Variants in LTBP1 observed in about 807,000 individuals in gnomAD.
The protein encoded by LTBP1 is latent-transforming growth factor beta-binding protein 1.
Under a neutral mutation model 207.6 loss-of-function variants are expected in LTBP1, and 129 were observed. The observed-to-expected ratio is 0.62, with a 90% confidence interval of 0.54 to 0.72. LTBP1 has a LOEUF of 0.72. Ranked by LOEUF, LTBP1 falls within the 30% of genes least tolerant of loss-of-function variation. LTBP1 has a pLI of 0.00. For synonymous variants in LTBP1, 963 were observed against 833.7 expected, an observed-to-expected ratio of 1.16 and a Z score of -2.67; for missense variants, 2,281 against 2,217.2, an observed-to-expected ratio of 1.03 and a Z score of -0.58.
At chr2:33,310,510 C>T (rs2094169189) in intron 23 of LTBP1, among the ~76,000 whole-genome samples, 1 of 152,098 alleles carries the variant, frequency 6.6e-6, no homozygotes, top group South Asian at 2.1e-4. Flanking sequence ...TCAGAGGTAG[C>T]TTTTCTTGTA....
chr2:33,220,214 C>T (rs959761742), intron 8 of LTBP1, among the ~76,000 whole-genome samples: 1 of 152,208 alleles, frequency 6.6e-6, no homozygotes, highest in Non-Finnish European at 1.5e-5. Context: ...GGGTCACATT[C>T]TTCCTGTGTC....
chr2:33,296,760 G>A (rs573054016), intron 20 of LTBP1, among the ~76,000 whole-genome samples: 2 of 152,098 alleles, frequency 1.3e-5, no homozygotes, highest in Admixed American at 6.5e-5. Context: ...GCAGCATATC[G>A]GATGCTAGTC....
At chr2:33,008,926 T>G (rs1558507385) in intron 2 of LTBP1, among the ~76,000 whole-genome samples, 1 of 152,130 alleles carries the variant, frequency 6.6e-6, no homozygotes, top group Non-Finnish European at 1.5e-5. Context: ...GCAGGCTTGG[T>G]GTGTCTGGGG....
intron 15 of LTBP1, among the ~76,000 whole-genome samples, chr2:33,264,594 T>G (rs1231575660): frequency 1.3e-5 from 2 of 152,116 alleles, no homozygotes; most frequent in African/African-American, 4.8e-5. Flanking sequence ...TCAGATAATT[T>G]GTAGGAAAAA....
chr2:33,354,445 T>C (rs1256365807), intron 26 of LTBP1, among the ~76,000 whole-genome samples: 1 of 152,070 alleles, frequency 6.6e-6, no homozygotes, highest in Non-Finnish European at 1.5e-5. Context: ...ACCATATATG[T>C]AGGTAAGGCT....
At chr2:33,202,677 C>T (rs2089444937) in intron 7 of LTBP1, among the ~76,000 whole-genome samples, 1 of 152,208 alleles carries the variant, frequency 6.6e-6, no homozygotes, top group African/African-American at 2.4e-5. Context: ...AAACATCTTA[C>T]TTATGTGGAA....
chr2:33,036,932 G>A (rs990343956), intron 3 of LTBP1, among the ~76,000 whole-genome samples: 5 of 150,278 alleles, frequency 3.3e-5, no homozygotes, highest in African/African-American at 7.3e-5. Context: ...CAGTGAACTC[G>A]TCAAAAAATG....
intron 19 of LTBP1, among the ~76,000 whole-genome samples, chr2:33,292,888 C>G (rs542763813): frequency 1.7e-3 from 254 of 152,276 alleles, no homozygotes; most frequent in Admixed American, 5.6e-3. Flanking sequence ...CCTTCCTCCC[C>G]CCTACAACAA....
chr2:33,277,396 C>A (rs551319510), intron 18 of LTBP1, among the ~76,000 whole-genome samples: 2 of 152,264 alleles, frequency 1.3e-5, no homozygotes, highest in South Asian at 4.1e-4. Flanking sequence ...AGAGATGCAG[C>A]GTGGGAGCAG....
chr2:33,326,707 G>A (rs2094432955), intron 24 of LTBP1, among the ~76,000 whole-genome samples: 1 of 148,354 alleles, frequency 6.7e-6, no homozygotes, highest in Non-Finnish European at 1.5e-5. Context: ...TACTCAGGCT[G>A]GAGTGCAGTG....
At chr2:33,153,776 A>G (rs1572884640) in intron 5 of LTBP1, among the ~76,000 whole-genome samples, 1 of 152,230 alleles carries the variant, frequency 6.6e-6, no homozygotes, top group East Asian at 1.9e-4. Flanking sequence ...TTCACATGGA[A>G]TTAAAGAAAA....
chr2:33,203,627 AT>A (rs1010918150), intron 7 of LTBP1, among the ~76,000 whole-genome samples: 42 of 151,898 alleles, frequency 2.8e-4, no homozygotes, highest in Admixed American at 2.6e-3. Context: ...CTCCTCTCAG[AT>A]TTTTTTTCAT....
At chr2:33,188,414 C>T (rs561426935) in intron 6 of LTBP1, among the ~76,000 whole-genome samples, 163 bp from the exon 7 acceptor site, 38 of 117,616 alleles carry the variant, frequency 3.2e-4, no homozygotes, top group African/African-American at 1.0e-3. Context: ...GTGACCAGAG[C>T]GAAACTCCAT....
intron 12 of LTBP1, among the ~76,000 whole-genome samples, chr2:33,259,198 A>G (rs1490972183): frequency 6.6e-6 from 1 of 152,236 alleles, no homozygotes; most frequent in Non-Finnish European, 1.5e-5. Context: ...TTCAAACATT[A>G]TATACCATAA....
chr2:33,093,927 C>T lies in LTBP1; in HGVS notation c.864-16655C>T, dbSNP rs150419045. On this transcript the variant is annotated intron_variant, in intron 3 of 33. Transcript: ENST00000404816. Reference sequence around the variant, plus strand: ...CTAGTTCTTTTTATTTTCTTTTTAACATTTCAACAAAGTGGGACTTAGAAC... The same window carrying T: ...CTAGTTCTTTTTATTTTCTTTTTAATATTTCAACAAAGTGGGACTTAGAAC... Among the ~76,000 whole-genome samples, 41 of 152,144 alleles carry T rather than the reference C, an allele frequency of 2.7e-4. No homozygotes were observed. The Middle Eastern group carries it at 0.01, about 38-fold the overall frequency.
Position 33,389,269 on chromosome 2 carries a change from G to C in LTBP1, c.4797G>C (p.Gln1599His), listed in dbSNP as rs376067631. The C allele has an allele frequency of 6.2e-7, 1 of 1,614,204 alleles. No individual in the cohort carries two copies. ...GRDALVDFSE[Q>H]YTPEADPYFI... ...ACGCCTTGGTTGACTTCAGTGAACA[G>C]TATACTCCAGAAGCCGATCCCTACT... Residue 1599 changes from glutamine (Q) to histidine (H), a missense_variant, in exon 32 of 34, where the codon CAG (glutamine) becomes CAC (histidine). Gln to His is a conservative substitution (Grantham distance 24). This residue lies in a region of LTBP1 where 1,671 missense variants were observed against 1,634.8 expected (regional missense o/e 1.02). Coordinates refer to ENST00000404816, the MANE Select transcript of LTBP1 (RefSeq NM_206943.4).
At chr2:33,289,450 C>G (rs1365052121) in intron 19 of LTBP1, among the ~76,000 whole-genome samples, 3 of 152,110 alleles carry the variant, frequency 2.0e-5, no homozygotes, top group African/African-American at 4.8e-5. Flanking sequence ...GTCTCTAACT[C>G]CTGGGCTCCA....
chr2:33,047,464 A>G (rs564601357), intron 3 of LTBP1, among the ~76,000 whole-genome samples: 1 of 152,296 alleles, frequency 6.6e-6, no homozygotes, highest in South Asian at 2.1e-4. Context: ...ATTTGATTGC[A>G]CTGTGGCCTG....
At chr2:33,122,023 C>G (rs2081152463) in intron 4 of LTBP1, among the ~76,000 whole-genome samples, 1 of 151,432 alleles carries the variant, frequency 6.6e-6, no homozygotes, top group Non-Finnish European at 1.5e-5. Context: ...TTCTTCCCCC[C>G]ACCCTGCCCC....
Sources: gnomAD v4.1 joint callset for allele counts (sites outside exome capture counted in the v4.1 genomes callset) on GRCh38, gnomAD v4.1.1 for gene constraint, gnomAD v4.1.1 regional missense constraint, MANE v1.5 for transcripts, NCBI Gene and HGNC (gene_info 2026-07-23, HGNC 2026-07-21) for gene names.